Variants in SP4 observed in about 807,000 individuals in gnomAD.
SP4 encodes transcription factor Sp4.
SP4 carries 19 observed loss-of-function variants against 72.8 expected under a neutral mutation model. The ratio of observed to expected loss-of-function variants is 0.26; its 90% confidence interval spans 0.18 to 0.38. The LOEUF (loss-of-function observed/expected upper bound fraction) is 0.38. Ranked by LOEUF, SP4 falls within the 10% of genes least tolerant of loss-of-function variation. SP4 has a pLI of 1.00. For synonymous variants in SP4, 395 were observed against 333.1 expected (o/e 1.19, Z -2.02); for missense variants, 1,008 against 926.3 (o/e 1.09, Z -1.14).
At chr7:21,439,527 T>C (rs77299738) in intron 3 of SP4, among the ~76,000 whole-genome samples, 1 of 151,712 alleles carries the variant, frequency 6.6e-6, no homozygotes, top group Admixed American at 6.6e-5. Flanking sequence ...TTTTTTTTTT[T>C]CCATGAACAG....
intron 5 of SP4, among the ~76,000 whole-genome samples, chr7:21,507,473 G>A (rs776327348): frequency 3.9e-5 from 6 of 152,152 alleles, no homozygotes; most frequent in Non-Finnish European, 8.8e-5. Flanking sequence ...GATGTATGGA[G>A]GGGCATGGAT....
intron 5 of SP4, among the ~76,000 whole-genome samples, chr7:21,504,107 C>T (rs889413582): frequency 2.0e-5 from 3 of 152,140 alleles, no homozygotes; most frequent in South Asian, 2.1e-4. Context: ...CTAATTTCTT[C>T]GTCCAGGGAG....
At chr7:21,442,622 A>G (rs930447601) in intron 3 of SP4, among the ~76,000 whole-genome samples, 2 of 152,218 alleles carry the variant, frequency 1.3e-5, no homozygotes, top group African/African-American at 2.4e-5. Context: ...AAGGGTGATA[A>G]CTGGAGCTGA....
chr7:21,438,137 T>C (rs1783111515), intron 3 of SP4, among the ~76,000 whole-genome samples: 1 of 152,130 alleles, frequency 6.6e-6, no homozygotes, highest in South Asian at 2.1e-4. Flanking sequence ...TGATCATTCA[T>C]TAAAGATTGG....
At chr7:21,473,232 G>A (rs1784402045) in intron 3 of SP4, among the ~76,000 whole-genome samples, 1 of 152,136 alleles carries the variant, frequency 6.6e-6, no homozygotes, top group African/African-American at 2.4e-5. Flanking sequence ...TTAGGCAGTA[G>A]TGTCTTCAAA....
At chr7:21,461,254 C>T (rs914682301) in intron 3 of SP4, among the ~76,000 whole-genome samples, 5 of 152,052 alleles carry the variant, frequency 3.3e-5, no homozygotes, top group Non-Finnish European at 7.4e-5. Context: ...GGGGGCGGTG[C>T]TTGTTGGGGA....
chr7:21,492,247 T>C (rs1384148406), intron 5 of SP4, among the ~76,000 whole-genome samples: 1 of 152,224 alleles, frequency 6.6e-6, no homozygotes, highest in African/African-American at 2.4e-5. Flanking sequence ...TACCAACCAC[T>C]ACAGAGAGGG....
chr7:21,460,791 AC>A (rs1243870428), intron 3 of SP4, among the ~76,000 whole-genome samples: 2 of 151,260 alleles, frequency 1.3e-5, no homozygotes, highest in African/African-American at 4.9e-5. Context: ...GTATTTACAA[AC>A]CCTGAGCTAG....
intron 3 of SP4, among the ~76,000 whole-genome samples, chr7:21,463,363 A>G (rs1177043309): frequency 6.6e-6 from 1 of 152,234 alleles, no homozygotes; most frequent in Non-Finnish European, 1.5e-5. Context: ...AAGGTTACCA[A>G]GCAACAGTGA....
chr7:21,432,239 A>G (rs939345641), intron 3 of SP4, among the ~76,000 whole-genome samples: 1 of 152,236 alleles, frequency 6.6e-6, no homozygotes. Flanking sequence ...TTTTTCTCCT[A>G]AAACTATTAC....
intron 3 of SP4, among the ~76,000 whole-genome samples, chr7:21,469,655 C>G (rs888351237): frequency 8.6e-5 from 13 of 151,496 alleles, no homozygotes; most frequent in African/African-American, 3.2e-4. Flanking sequence ...GATTCTCTTG[C>G]CTCAGCCTAC....
Position 21,430,127 on chromosome 7 carries a change from C to T in SP4, c.962C>T (p.Ser321Phe). ...ACTATGCCAGAATCTCCCTCCTCCT[C>T]CACTACCTGCACAACCACTGCTTCA... ...ASTMPESPSSSTTCTTTASTS... is the reference protein window; with the variant it reads ...ASTMPESPSSFTTCTTTASTS... The change falls in exon 3 of 6, where the codon TCC (serine) becomes TTC (phenylalanine). Residue 321 changes from serine (S) to phenylalanine (F), a missense_variant. By Grantham distance (155) the Ser-to-Phe change is radical. Coordinates refer to ENST00000222584, the MANE Select transcript of SP4 (RefSeq NM_003112.5). 6.2e-7 allele frequency: 1 copy of T among 1,614,176 alleles called. No homozygotes were observed. Among genetic ancestry groups the T allele is most frequent in the Non-Finnish European group, 8.5e-7 (1 of 1,180,028 alleles).
At position 21,489,444 on chromosome 7, in the gene SP4, C is replaced by T. The variant is rs377492162; in HGVS notation, c.2107+7321C>T. On this transcript the variant is annotated intron_variant, in intron 5 of 5. Coordinates refer to ENST00000222584, the MANE Select transcript of SP4 (RefSeq NM_003112.5). ...CAAGCAGTCCTCCCACCTCAGCTGC[C>T]TGAGTAGCTGGGACTTGCAGGCCTA... 1.1e-3 allele frequency among the ~76,000 whole-genome samples: 162 copies of T among 150,690 alleles called. 1 individual carries two copies. Among genetic ancestry groups the T allele is most frequent in the African/African-American group, 3.8e-3 (158 of 41,060 alleles).
chr7:21,469,545 T>C (rs1215409079), intron 3 of SP4, among the ~76,000 whole-genome samples: 5 of 150,198 alleles, frequency 3.3e-5, no homozygotes, highest in Admixed American at 6.6e-5. Flanking sequence ...TTATAATTTT[T>C]TTTTTTTTTT....
intron 5 of SP4, among the ~76,000 whole-genome samples, chr7:21,489,847 T>C (rs1045151347): frequency 2.0e-5 from 3 of 151,936 alleles, no homozygotes; most frequent in African/African-American, 7.2e-5. Flanking sequence ...CGTGAGCCAC[T>C]GTGCCCAGCC....
Position 21,434,856 on chromosome 7 carries a change from C to T in SP4, c.1678+4013C>T, listed in dbSNP as rs941422348. On this transcript the variant is annotated intron_variant, in intron 3 of 5. Transcript: ENST00000222584. The stretch of plus-strand genomic sequence containing the variant: ...TTTAGCTCCCACTTGTAAGTGTGAA[C>T]GTGCTGAGTTTGACTTCAAAGGAAA... Among the ~76,000 whole-genome samples the T allele has an allele frequency of 3.3e-5, 5 of 150,194 alleles. No individual in the cohort carries two copies. The East Asian group carries it at 7.8e-4, about 23-fold the overall frequency.
intron 5 of SP4, among the ~76,000 whole-genome samples, chr7:21,483,318 G>C (rs1784737374): frequency 6.6e-6 from 1 of 151,420 alleles, no homozygotes; most frequent in African/African-American, 2.4e-5. Context: ...TTTCAATAAA[G>C]GACTAGTGCT....
intron 3 of SP4, among the ~76,000 whole-genome samples, chr7:21,472,532 GTCC>G (rs760439690): frequency 5.3e-5 from 8 of 151,992 alleles, no homozygotes; most frequent in Non-Finnish European, 1.0e-4. Context: ...GGCTCAAGCA[GTCC>G]TCCTGCCTCG....
At chr7:21,493,880 G>A (rs554547160) in intron 5 of SP4, among the ~76,000 whole-genome samples, 20 of 152,024 alleles carry the variant, frequency 1.3e-4, no homozygotes, top group Non-Finnish European at 2.2e-4. Flanking sequence ...GACCAATATC[G>A]TAAGTATAGT....
Sources: gnomAD v4.1 joint callset for allele counts (sites outside exome capture counted in the v4.1 genomes callset) on GRCh38, gnomAD v4.1.1 for gene constraint, MANE v1.5 for transcripts, NCBI Gene and HGNC (gene_info 2026-07-23, HGNC 2026-07-21) for gene names.